Variants in TENM3 observed in about 807,000 individuals in gnomAD.
TENM3 encodes the protein teneurin transmembrane protein 3, also known as teneurin-3.
In TENM3, 63 loss-of-function variants were observed where a neutral mutation model predicts 255.1. That is an observed-to-expected ratio of 0.25 (90% CI 0.20 to 0.30). The LOEUF (loss-of-function observed/expected upper bound fraction) is 0.30. Among genes scored for constraint, TENM3 ranks in the 10% least tolerant of loss-of-function variants. The pLI is 1.00. For missense variants in TENM3, 2,929 were observed against 3,461.1 expected, an observed-to-expected ratio of 0.85 and a Z score of 3.86; for synonymous variants, 1,306 against 1,322.3, an observed-to-expected ratio of 0.99 and a Z score of 0.27.
the TENM3 span, among the ~76,000 whole-genome samples, chr4:181,857,586 C>CA: frequency 6.1e-5 from 7 of 115,270 alleles, no homozygotes; most frequent in African/African-American, 3.0e-4. Flanking sequence ...CAAAACAAAA[C>CA]AAAAAAAAAA....
At chr4:181,488,669 T>C in the TENM3 span, among the ~76,000 whole-genome samples, 557 of 152,268 alleles carry the variant, frequency 3.7e-3, 5 homozygotes, top group African/African-American at 0.013. Flanking sequence ...AACTGGATTT[T>C]ATGCAAATTT....
At chr4:181,712,783 T>G in the TENM3 span, among the ~76,000 whole-genome samples, 1 of 152,182 alleles carries the variant, frequency 6.6e-6, no homozygotes, top group African/African-American at 2.4e-5. Flanking sequence ...AAAATAGAAA[T>G]TACAAAATTT....
the TENM3 span, among the ~76,000 whole-genome samples, chr4:181,856,844 C>T: frequency 2.6e-5 from 4 of 152,264 alleles, no homozygotes; most frequent in Non-Finnish European, 4.4e-5. Context: ...GTCTGGGCCA[C>T]GGCAGCACCT....
intron 3 of TENM3, among the ~76,000 whole-genome samples, chr4:182,575,674 C>T (rs1744845942): frequency 6.6e-6 from 1 of 152,092 alleles, no homozygotes; most frequent in South Asian, 2.1e-4. Context: ...TAAAGAATAA[C>T]ATTTTTGTTT....
chr4:182,103,529 C>A, the TENM3 span, among the ~76,000 whole-genome samples: 2 of 152,298 alleles, frequency 1.3e-5, no homozygotes, highest in African/African-American at 2.4e-5. Context: ...AGGGAACATA[C>A]AATTCATGGC....
intron 3 of TENM3, among the ~76,000 whole-genome samples, chr4:182,438,456 T>C (rs1451474622): frequency 6.6e-6 from 1 of 152,226 alleles, no homozygotes; most frequent in Non-Finnish European, 1.5e-5. Context: ...AGCTTTTTTA[T>C]GGCATAGATG....
At chr4:182,276,457 T>C (rs1253548234) in intron 1 of TENM3, among the ~76,000 whole-genome samples, 2 of 152,218 alleles carry the variant, frequency 1.3e-5, no homozygotes, top group African/African-American at 4.8e-5. Flanking sequence ...GCATAAGGTT[T>C]CCATCAAGCC....
At chr4:181,644,063 A>T in the TENM3 span, among the ~76,000 whole-genome samples, 2 of 149,128 alleles carry the variant, frequency 1.3e-5, no homozygotes, top group Admixed American at 1.3e-4. Flanking sequence ...GTGACAGAAC[A>T]AGACTCCATC....
chr4:182,315,407 G>GTT (rs34862697), intron 1 of TENM3, among the ~76,000 whole-genome samples: 37 of 148,080 alleles, frequency 2.5e-4, no homozygotes, highest in African/African-American at 7.7e-4. Flanking sequence ...AAATTCTAGG[G>GTT]TTTTTTTTTT....
chr4:182,022,186 G>A, the TENM3 span, among the ~76,000 whole-genome samples: 1 of 149,694 alleles, frequency 6.7e-6, no homozygotes, highest in Non-Finnish European at 1.5e-5. Flanking sequence ...AAAAAAAAAT[G>A]TGGTACATAT....
chr4:181,461,791 A>G, the TENM3 span, among the ~76,000 whole-genome samples: 2 of 151,964 alleles, frequency 1.3e-5, no homozygotes, highest in South Asian at 4.2e-4. Context: ...GTCTATATTT[A>G]TAATAGCTGT....
intron 3 of TENM3, among the ~76,000 whole-genome samples, chr4:182,521,148 G>A (rs1306110071): frequency 2.0e-5 from 3 of 152,122 alleles, no homozygotes; most frequent in African/African-American, 4.8e-5. Context: ...GGTTAAATGG[G>A]TCATCATCAG....
At chr4:182,715,924 G>T (rs1759126231) in intron 13 of TENM3, among the ~76,000 whole-genome samples, 3 of 152,194 alleles carry the variant, frequency 2.0e-5, no homozygotes, top group African/African-American at 4.8e-5. Context: ...CAAGAAACTT[G>T]AGCCACAAAT....
At chr4:182,334,013 C>CT in intron 2 of TENM3, among the ~76,000 whole-genome samples, 1 of 152,234 alleles carries the variant, frequency 6.6e-6, no homozygotes, top group Non-Finnish European at 1.5e-5. Context: ...GGCCAAGGAA[C>CT]TTTTTTGGAC....
chr4:181,519,098 T>G, the TENM3 span, among the ~76,000 whole-genome samples: 3 of 152,218 alleles, frequency 2.0e-5, no homozygotes, highest in Non-Finnish European at 4.4e-5. Flanking sequence ...CAAAGGAGAT[T>G]GTGGCAGCTA....
intron 7 of TENM3, among the ~76,000 whole-genome samples, chr4:182,679,026 A>G (rs944555853): frequency 1.1e-4 from 17 of 152,158 alleles, no homozygotes; most frequent in African/African-American, 2.4e-5. Flanking sequence ...ACACATGGAC[A>G]CAGGGAGGGG....
intron 1 of TENM3, among the ~76,000 whole-genome samples, chr4:182,260,546 C>T (rs1030249326): frequency 6.6e-6 from 1 of 152,178 alleles, no homozygotes; most frequent in Non-Finnish European, 1.5e-5. Flanking sequence ...AAGAATTATA[C>T]AGTTGGGGAC....
At chr4:181,643,557 C>T in the TENM3 span, among the ~76,000 whole-genome samples, 2 of 151,908 alleles carry the variant, frequency 1.3e-5, no homozygotes, top group African/African-American at 4.8e-5. Flanking sequence ...GTTGATGGCT[C>T]TGTGTAGACA....
the TENM3 span, among the ~76,000 whole-genome samples, chr4:182,082,324 T>C: frequency 2.0e-5 from 3 of 152,072 alleles, no homozygotes; most frequent in African/African-American, 7.2e-5. Context: ...CATGACTCCA[T>C]CCTCATGACC....
Sources: allele counts gnomAD v4.1 joint callset (sites outside exome capture counted in the v4.1 genomes callset), GRCh38; gene constraint gnomAD v4.1.1; transcripts MANE v1.5; gene names NCBI Gene and HGNC (gene_info 2026-07-23, HGNC 2026-07-21).